Variants in ZDHHC14 observed in about 807,000 individuals in gnomAD.
ZDHHC14 encodes the protein palmitoyltransferase ZDHHC14.
Under a neutral mutation model 47.7 loss-of-function variants are expected in ZDHHC14, and 16 were observed. The ratio of observed to expected loss-of-function variants is 0.34; its 90% confidence interval spans 0.23 to 0.51. ZDHHC14 has a LOEUF of 0.51. ZDHHC14 is among the 20% of genes least tolerant of loss of function. The probability of loss-of-function intolerance (pLI) is 0.97; values close to 1 mark genes in which losing one functional copy is unlikely to be tolerated. For missense variants in ZDHHC14, 515 were observed against 662.5 expected, an observed-to-expected ratio of 0.78 and a Z score of 2.44; for synonymous variants, 293 against 278.9, an observed-to-expected ratio of 1.05 and a Z score of -0.50.
chr6:157,608,445 C>T (rs922272755), intron 3 of ZDHHC14, among the ~76,000 whole-genome samples: 5 of 152,032 alleles, frequency 3.3e-5, no homozygotes, highest in Admixed American at 1.3e-4. Context: ...TGGGAGCATA[C>T]GGGAAAGATG....
intron 2 of ZDHHC14, among the ~76,000 whole-genome samples, chr6:157,575,048 A>C (rs142800095): frequency 3.3e-5 from 5 of 152,334 alleles, no homozygotes; most frequent in African/African-American, 1.2e-4. Flanking sequence ...TCTGCAGGGC[A>C]GGCCAGCAGG....
chr6:157,557,666 T>C (rs531738166), intron 2 of ZDHHC14, among the ~76,000 whole-genome samples: 1 of 152,358 alleles, frequency 6.6e-6, no homozygotes, highest in African/African-American at 2.4e-5. Flanking sequence ...GTGGTCCACC[T>C]CTTGTCAGCT....
At chr6:157,591,001 C>A (rs1273687813) in intron 2 of ZDHHC14, among the ~76,000 whole-genome samples, 1 of 152,228 alleles carries the variant, frequency 6.6e-6, no homozygotes, top group Non-Finnish European at 1.5e-5. Flanking sequence ...AGATTTCGGA[C>A]TTGCATGGGG....
intron 7 of ZDHHC14, among the ~76,000 whole-genome samples, chr6:157,649,490 T>A (rs1489754217): frequency 6.6e-6 from 1 of 152,216 alleles, no homozygotes; most frequent in Non-Finnish European, 1.5e-5. Flanking sequence ...GCCCTTCCGC[T>A]GTGCCACCTC....
At chr6:157,402,576 T>C (rs963067505) in intron 1 of ZDHHC14, among the ~76,000 whole-genome samples, 1 of 152,232 alleles carries the variant, frequency 6.6e-6, no homozygotes, top group Non-Finnish European at 1.5e-5. Context: ...ATGGTCCCTA[T>C]CATCGTGTCA....
chr6:157,637,781 A>G (rs1464779029), intron 5 of ZDHHC14, among the ~76,000 whole-genome samples: 1 of 152,222 alleles, frequency 6.6e-6, no homozygotes, highest in African/African-American at 2.4e-5. Context: ...TTGACGAGAA[A>G]TAAGGGCACA....
chr6:157,642,023 A>AAGACAGAT (rs1554277113), intron 5 of ZDHHC14, among the ~76,000 whole-genome samples: 2 of 146,608 alleles, frequency 1.4e-5, no homozygotes, highest in Non-Finnish European at 3.0e-5. Flanking sequence ...GTATATTTTG[A>AAGACAGAT]AGATAGATAG....
At chr6:157,539,173 G>A (rs1436115385) in intron 1 of ZDHHC14, among the ~76,000 whole-genome samples, 1 of 152,098 alleles carries the variant, frequency 6.6e-6, no homozygotes, top group Non-Finnish European at 1.5e-5. Flanking sequence ...ACTTTGGGAG[G>A]CTGAGGCAGG....
intron 1 of ZDHHC14, among the ~76,000 whole-genome samples, chr6:157,488,960 C>T (rs945500037): frequency 6.6e-6 from 1 of 152,154 alleles, no homozygotes; most frequent in African/African-American, 2.4e-5. Flanking sequence ...TTCGTGAGCA[C>T]AAGGAAGAGT....
chr6:157,592,283 T>C lies in ZDHHC14; in HGVS notation c.407-705T>C, dbSNP rs559899442. 5.3e-5 allele frequency among the ~76,000 whole-genome samples: 8 copies of C among 152,306 alleles called. No homozygotes were observed. The South Asian group carries it at 6.2e-4, about 12-fold the overall frequency. ...GTATTGTCATTGACATTTTTAGAAC[T>C]GGTTCTAAAAATTAAAGGTGCTATT... is the stretch of plus-strand genomic sequence containing the variant. On this transcript the variant is annotated intron_variant, in intron 2 of 8. Coordinates refer to ENST00000359775, the MANE Select transcript of ZDHHC14 (RefSeq NM_024630.3).
chr6:157,573,886 G>A (rs140173321), intron 2 of ZDHHC14, among the ~76,000 whole-genome samples: 3,358 of 152,104 alleles, frequency 0.022, 122 homozygotes, highest in African/African-American at 0.076. Flanking sequence ...GGGCCTTGGT[G>A]GGGAGATGCA....
intron 1 of ZDHHC14, among the ~76,000 whole-genome samples, chr6:157,485,493 A>G (rs752015773): frequency 1.3e-5 from 2 of 152,064 alleles, no homozygotes; most frequent in Non-Finnish European, 2.9e-5. Context: ...CCATGTGTTT[A>G]TGTGGTTAGA....
chr6:157,517,436 G>T (rs1240071808), intron 1 of ZDHHC14, among the ~76,000 whole-genome samples: 1 of 151,720 alleles, frequency 6.6e-6, no homozygotes, highest in African/African-American at 2.4e-5. Context: ...TCAGCCTCCC[G>T]AGTAGCTGGG....
chr6:157,632,045 A>T (rs1583046889), intron 4 of ZDHHC14: 1 of 151,768 alleles, frequency 6.6e-6, no homozygotes, highest in African/African-American at 2.4e-5. Context: ...GTGGCCACTC[A>T]CCCCCTGCCA....
chr6:157,416,661 C>A (rs1777977204), intron 1 of ZDHHC14, among the ~76,000 whole-genome samples: 1 of 111,380 alleles, frequency 9.0e-6, no homozygotes. Flanking sequence ...GAGTGAGACC[C>A]TGTCTCATTA....
At chr6:157,530,845 T>A (rs765698200) in intron 1 of ZDHHC14, among the ~76,000 whole-genome samples, 3 of 152,196 alleles carry the variant, frequency 2.0e-5, no homozygotes, top group Non-Finnish European at 4.4e-5. Context: ...ATTTCTAACC[T>A]GTATTGGTCC....
At chr6:157,616,721 G>C (rs1049322558) in intron 3 of ZDHHC14, among the ~76,000 whole-genome samples, 1 of 152,176 alleles carries the variant, frequency 6.6e-6, no homozygotes, top group Non-Finnish European at 1.5e-5. Flanking sequence ...ACTTCGGGGG[G>C]ATCAGACGTC....
intron 8 of ZDHHC14, among the ~76,000 whole-genome samples, chr6:157,662,224 C>T (rs1053291071): frequency 6.6e-6 from 1 of 152,176 alleles, no homozygotes; most frequent in African/African-American, 2.4e-5. Flanking sequence ...CTCTGTCGCC[C>T]AGGCTGTAGT....
Position 157,582,175 on chromosome 6 carries a change from G to A in ZDHHC14, c.407-10813G>A, listed in dbSNP as rs2114874999. Among the ~76,000 whole-genome samples the A allele has an allele frequency of 6.6e-6, 1 of 152,356 alleles. No individual in the cohort carries two copies. Among genetic ancestry groups the A allele is most frequent in the South Asian group, 2.1e-4 (1 of 4,832 alleles). On this transcript the variant is annotated intron_variant, in intron 2 of 8. Transcript: ENST00000359775. The surrounding 1 kb of genome is among the most constrained non-coding windows in gnomAD (Gnocchi z 4.3). Reference sequence around the variant, plus strand: ...GCCTCCCAAAGTGCTGGGATTACAGGTGTGAGCCACCATGCCCAGCCCACC... The same window carrying A: ...GCCTCCCAAAGTGCTGGGATTACAGATGTGAGCCACCATGCCCAGCCCACC...
Sources: allele counts gnomAD v4.1 joint callset (sites outside exome capture counted in the v4.1 genomes callset), GRCh38; gene constraint gnomAD v4.1.1; non-coding constraint Gnocchi (gnomAD v3.1); transcripts MANE v1.5; gene names NCBI Gene and HGNC (gene_info 2026-07-23, HGNC 2026-07-21).